Variants in DTNA observed in about 807,000 individuals in gnomAD.
DTNA encodes the protein dystrobrevin alpha.
A neutral mutation model predicts 100.7 loss-of-function variants in DTNA; 43 were observed. That is an observed-to-expected ratio of 0.43 (90% CI 0.33 to 0.55). The LOEUF (loss-of-function observed/expected upper bound fraction) is 0.55, where lower values mean the gene tolerates loss of function less well. DTNA is among the 20% of genes least tolerant of loss of function. The pLI, the probability that DTNA is intolerant of heterozygous loss-of-function variation, is 0.04. For synonymous variants in DTNA, 349 were observed against 347.9 expected (o/e 1.00, Z -0.04); for missense variants, 798 against 953.9 (o/e 0.84, Z 2.15).
intron 1 of DTNA, among the ~76,000 whole-genome samples, chr18:34,643,000 AG>A (rs2059464561): frequency 6.6e-6 from 1 of 152,244 alleles, no homozygotes; most frequent in South Asian, 2.1e-4. Context: ...GTGAGTAACT[AG>A]CATGCCATAA....
chr18:34,701,113 G>C (rs1404943038), intron 1 of DTNA, among the ~76,000 whole-genome samples: 1 of 152,074 alleles, frequency 6.6e-6, no homozygotes, highest in African/African-American at 2.4e-5. Flanking sequence ...CCTATATTTA[G>C]AAATCTTTCC....
chr18:34,647,971 A>G (rs1026496438), intron 1 of DTNA, among the ~76,000 whole-genome samples: 1 of 152,234 alleles, frequency 6.6e-6, no homozygotes, highest in Non-Finnish European at 1.5e-5. Context: ...GGGGAATCTA[A>G]ATTAGTTTGG....
At chr18:34,520,161 T>A (rs1020089637) in intron 1 of DTNA, among the ~76,000 whole-genome samples, 3 of 152,196 alleles carry the variant, frequency 2.0e-5, no homozygotes, top group Non-Finnish European at 4.4e-5. Context: ...AAGACAATCA[T>A]GATATTCTTT....
At chr18:34,582,850 C>T (rs932659587) in intron 1 of DTNA, among the ~76,000 whole-genome samples, 2 of 152,244 alleles carry the variant, frequency 1.3e-5, no homozygotes, top group East Asian at 1.9e-4. Flanking sequence ...TCAAGAGAAA[C>T]CTTACCTCAA....
At chr18:34,789,274 A>G (rs1307817596) in intron 3 of DTNA, among the ~76,000 whole-genome samples, 3 of 152,220 alleles carry the variant, frequency 2.0e-5, no homozygotes, top group Non-Finnish European at 4.4e-5. Context: ...ATATGCTCCA[A>G]CTACTTCCCA....
intron 16 of DTNA, among the ~76,000 whole-genome samples, chr18:34,862,038 A>T (rs192732131): frequency 2.5e-4 from 38 of 152,164 alleles, no homozygotes; most frequent in African/African-American, 8.7e-4. Flanking sequence ...TATCAAGAAG[A>T]GAACTGGAAA....
chr18:34,753,349 A>T (rs1419187362), intron 1 of DTNA, among the ~76,000 whole-genome samples: 1 of 9,622 alleles, frequency 1.0e-4, no homozygotes, highest in Non-Finnish European at 1.7e-4. Context: ...TTATTTATTT[A>T]TTTATTTATT....
Position 34,873,244 on chromosome 18 carries a change from G to A in DTNA, c.1744-1995G>A, listed in dbSNP as rs959876287. 5.9e-5 allele frequency among the ~76,000 whole-genome samples: 9 copies of A among 152,300 alleles called. 1 individual carries two copies. Among genetic ancestry groups the A allele is most frequent in the South Asian group, 4.1e-4 (2 of 4,824 alleles). ...CTTCTCACCATGGAAGACAATCTGA[G>A]TTCCCAGGGATGAGACGGTAACCCA... is the stretch of plus-strand genomic sequence containing the variant. On this transcript the variant is annotated intron_variant, in intron 17 of 22. Transcript: ENST00000444659.
intron 1 of DTNA, among the ~76,000 whole-genome samples, chr18:34,726,340 A>T (rs1184752029): frequency 2.0e-5 from 3 of 152,166 alleles, no homozygotes; most frequent in Non-Finnish European, 2.9e-5. Flanking sequence ...TGTCTTTCTC[A>T]CATTGCAAAA....
At chr18:34,735,185 G>T (rs1049719678) in intron 1 of DTNA, among the ~76,000 whole-genome samples, 1 of 152,134 alleles carries the variant, frequency 6.6e-6, no homozygotes, top group Admixed American at 6.6e-5. Context: ...TCCAGCACAG[G>T]AGAAAGATGT....
chr18:34,498,049 G>A (rs1461008099), intron 1 of DTNA, among the ~76,000 whole-genome samples: 1 of 151,910 alleles, frequency 6.6e-6, no homozygotes, highest in African/African-American at 2.4e-5. Flanking sequence ...GGGAGGCCAA[G>A]GTGGATGGAT....
intron 1 of DTNA, among the ~76,000 whole-genome samples, chr18:34,684,062 A>T (rs1422931809): frequency 3.9e-5 from 6 of 152,118 alleles, no homozygotes; most frequent in African/African-American, 7.2e-5. Context: ...ACTCAGGCTG[A>T]ACAGATCTTA....
chr18:34,601,571 G>A (rs773173404), intron 1 of DTNA, among the ~76,000 whole-genome samples: 2 of 152,172 alleles, frequency 1.3e-5, no homozygotes, highest in Non-Finnish European at 1.5e-5. Context: ...ATAATAGGCA[G>A]CCTAAAACTC....
At chr18:34,826,963 T>C (rs2095872741) in intron 9 of DTNA, among the ~76,000 whole-genome samples, 1 of 152,210 alleles carries the variant, frequency 6.6e-6, no homozygotes, top group African/African-American at 2.4e-5. Context: ...CCTTCTCTTA[T>C]CATAAGAAAA....
At chr18:34,688,633 T>C (rs1196108386) in intron 1 of DTNA, among the ~76,000 whole-genome samples, 1 of 152,158 alleles carries the variant, frequency 6.6e-6, no homozygotes, top group Non-Finnish European at 1.5e-5. Flanking sequence ...GGGTTGCTGT[T>C]CTTGAGGAGT....
chr18:34,875,299 A>G lies in DTNA; in HGVS notation c.1804A>G (p.Met602Val). Residue 602 changes from methionine (M) to valine (V), a missense_variant, in exon 18 of 23, where the codon ATG becomes GTG. Physicochemically the swap from Met to Val is conservative, Grantham distance 21. Around this residue, in one of 6 missense-constraint regions of DTNA, gnomAD observed 242 missense variants for 238.2 expected, o/e 1.02. Coordinates refer to ENST00000444659, the MANE Select transcript of DTNA (RefSeq NM_001386795.1). ...CCACACCATCAGCAGGCCAATTCCC[A>G]TGCCCATCCGGTCAGCGTCAGCCTG... ...PSHTISRPIPMPIRSASACST... is the reference protein window; with the variant it reads ...PSHTISRPIPVPIRSASACST... The G allele has an allele frequency of 6.2e-7, 1 of 1,614,142 alleles. No individual in the cohort carries two copies. Among genetic ancestry groups the G allele is most frequent in the Non-Finnish European group, 8.5e-7 (1 of 1,180,026 alleles).
intron 1 of DTNA, among the ~76,000 whole-genome samples, chr18:34,567,831 T>A (rs1454485808): frequency 6.6e-6 from 1 of 152,218 alleles, no homozygotes; most frequent in East Asian, 1.9e-4. Flanking sequence ...AATTAGAATT[T>A]AATAAGCCTT....
In DTNA at chr18:34,581,621, G is replaced by GTTT. The variant is rs760995588; in HGVS notation, c.-2+88123_-2+88125dup. On this transcript the variant is annotated intron_variant, in intron 1 of 19. Coordinates refer to the DTNA transcript ENST00000283365. ...TGGCAGTCAGGCATGCCCCTAGTTAGTTTTTTTTTTTTTTTTTTGTGACGG... is the reference window on the plus strand; with the variant it reads ...TGGCAGTCAGGCATGCCCCTAGTTAGTTTTTTTTTTTTTTTTTTTTTGTGACGG... Among the ~76,000 whole-genome samples the GTTT allele has an allele frequency of 1.1e-3, 121 of 110,352 alleles. 4 individuals are homozygous for GTTT. The highest frequency in any genetic ancestry group is 4.1e-3 in the African/African-American group (105 of 25,892). 72.4% of individuals were successfully genotyped at this position (110,352 alleles called of 152,430 possible).
At chr18:34,720,525 A>G (rs1384958475) in intron 1 of DTNA, among the ~76,000 whole-genome samples, 1 of 152,184 alleles carries the variant, frequency 6.6e-6, no homozygotes, top group East Asian at 1.9e-4. Flanking sequence ...AGAGAGGTAC[A>G]GGAGACTACA....
Sources: gnomAD v4.1 joint callset for allele counts (sites outside exome capture counted in the v4.1 genomes callset) on GRCh38, gnomAD v4.1.1 for gene constraint, gnomAD v4.1.1 regional missense constraint, MANE v1.5 for transcripts, NCBI Gene and HGNC (gene_info 2026-07-23, HGNC 2026-07-21) for gene names.